Variants in STXBP4 observed in about 807,000 individuals in gnomAD.
STXBP4 encodes the protein syntaxin-binding protein 4.
STXBP4 carries 55 observed loss-of-function variants against 76.1 expected under a neutral mutation model. The ratio of observed to expected loss-of-function variants is 0.72; its 90% CI spans 0.58 to 0.91. The LOEUF (loss-of-function observed/expected upper bound fraction) is 0.91, where lower values mean the gene tolerates loss of function less well. Among genes scored for constraint, STXBP4 ranks in the 40% least tolerant of loss-of-function variants. STXBP4 has a pLI of 0.00. For missense variants in STXBP4, 618 were observed against 636.9 expected, an observed-to-expected ratio of 0.97 and a Z score of 0.32; for synonymous variants, 201 against 220.2, an observed-to-expected ratio of 0.91 and a Z score of 0.77.
At chr17:54,992,705 C>CTTTTTTTTT (rs760386476) in intron 4 of STXBP4, among the ~76,000 whole-genome samples, 3 of 96,836 alleles carry the variant, frequency 3.1e-5, no homozygotes, top group Admixed American at 1.4e-4. Flanking sequence ...AATTTGCTTC[C>CTTTTTTTTT]TTTTTTTTTT....
At chr17:55,033,540 A>G (rs1010949914) in intron 9 of STXBP4, among the ~76,000 whole-genome samples, 2 of 152,228 alleles carry the variant, frequency 1.3e-5, no homozygotes, top group Non-Finnish European at 2.9e-5. Flanking sequence ...AATTAAAAAT[A>G]CAGTAGCCAA....
At position 54,973,116 on chromosome 17, in the gene STXBP4, G is replaced by A. The variant is rs1014545478; in HGVS notation, c.-157+4301G>A. On this transcript the variant is annotated intron_variant, in intron 1 of 17. Transcript: ENST00000376352. ...TAGGAAGTTTGGTTCTAGACACATA[G>A]GCCCTTTCACCTACCCTTTTCCCAA... Among the ~76,000 whole-genome samples the A allele has an allele frequency of 3.3e-5, 5 of 152,334 alleles. No homozygotes were observed. The South Asian group carries it at 1.0e-3, about 32-fold the overall frequency.
At chr17:55,085,624 A>G (rs1252990613) in intron 16 of STXBP4, among the ~76,000 whole-genome samples, 1 of 151,976 alleles carries the variant, frequency 6.6e-6, no homozygotes, top group Admixed American at 6.6e-5. Flanking sequence ...TGAGAAAGAG[A>G]GAAAGAAAGA....
At chr17:55,026,080 A>G (rs189854162) in intron 8 of STXBP4, among the ~76,000 whole-genome samples, 81 of 152,364 alleles carry the variant, frequency 5.3e-4, no homozygotes, top group Admixed American at 2.0e-3. Flanking sequence ...ATATATACTT[A>G]AAACTACAAA....
At chr17:54,997,833 C>G (rs924277605) in intron 4 of STXBP4, among the ~76,000 whole-genome samples, 5 of 146,210 alleles carry the variant, frequency 3.4e-5, no homozygotes, top group Admixed American at 7.1e-5. Context: ...AGCAATCTTT[C>G]TGCCTCAGCC....
intron 3 of STXBP4, among the ~76,000 whole-genome samples, chr17:54,990,465 C>T (rs1428216899): frequency 6.6e-6 from 1 of 152,166 alleles, no homozygotes; most frequent in East Asian, 1.9e-4. Flanking sequence ...GGTGATCTGT[C>T]ACTGTCTCCC....
At chr17:55,093,977 A>G (rs1349761399) in intron 16 of STXBP4, among the ~76,000 whole-genome samples, 1 of 152,120 alleles carries the variant, frequency 6.6e-6, no homozygotes, top group Non-Finnish European at 1.5e-5. Context: ...ACATAATAAA[A>G]CCAGATTATG....
chr17:54,993,980 G>A (rs1567708221), intron 4 of STXBP4, among the ~76,000 whole-genome samples: 1 of 152,054 alleles, frequency 6.6e-6, no homozygotes, highest in African/African-American at 2.4e-5. Context: ...TTTCCTCCTG[G>A]AAAATATGAG....
intron 8 of STXBP4, among the ~76,000 whole-genome samples, chr17:55,025,376 A>C (rs2078393062): frequency 6.6e-6 from 1 of 152,168 alleles, no homozygotes; most frequent in Non-Finnish European, 1.5e-5. Context: ...AGTAATCAAA[A>C]AAACTTTGTA....
chr17:55,132,960 A>G (rs1052928477), intron 16 of STXBP4, among the ~76,000 whole-genome samples: 15 of 152,320 alleles, frequency 9.8e-5, no homozygotes, highest in Middle Eastern at 3.4e-3. Flanking sequence ...TATGAGACCA[A>G]TGCAGCTGCA....
chr17:54,969,782 G>C (rs372945257), intron 1 of STXBP4, among the ~76,000 whole-genome samples: 6 of 152,172 alleles, frequency 3.9e-5, no homozygotes, highest in African/African-American at 1.4e-4. Context: ...CTGTGGGCCT[G>C]ACACCAATCG....
the STXBP4 span, among the ~76,000 whole-genome samples, chr17:55,200,323 A>G: frequency 6.6e-6 from 1 of 152,182 alleles, no homozygotes; most frequent in African/African-American, 2.4e-5. Context: ...AACAGACATC[A>G]TTCTCTTCTC....
chr17:55,070,849 C>A (rs1000593347), intron 12 of STXBP4, among the ~76,000 whole-genome samples: 1 of 152,082 alleles, frequency 6.6e-6, no homozygotes, highest in East Asian at 1.9e-4. Context: ...TTGTAACATC[C>A]TCTTTTCTTC....
chr17:55,012,544 T>C (rs2078133686), intron 8 of STXBP4, among the ~76,000 whole-genome samples: 1 of 152,304 alleles, frequency 6.6e-6, no homozygotes, highest in South Asian at 2.1e-4. Flanking sequence ...TGATGTGTGA[T>C]AGGTGTTCCC....
intron 16 of STXBP4, among the ~76,000 whole-genome samples, chr17:55,087,554 T>C (rs2079353263): frequency 6.6e-6 from 1 of 152,220 alleles, no homozygotes; most frequent in South Asian, 2.1e-4. Context: ...CAGTTGGCTG[T>C]AAATATGTGG....
intron 8 of STXBP4, among the ~76,000 whole-genome samples, chr17:55,017,844 G>A (rs917092962): frequency 2.6e-5 from 4 of 152,190 alleles, no homozygotes; most frequent in African/African-American, 9.6e-5. Flanking sequence ...TCACACCTGA[G>A]TCTTAAGTCT....
At chr17:55,204,835 C>T in the STXBP4 span, among the ~76,000 whole-genome samples, 1 of 82,970 alleles carries the variant, frequency 1.2e-5, no homozygotes, top group African/African-American at 3.9e-5. Flanking sequence ...CACACACACA[C>T]ACACACACAA....
chr17:55,075,229 C>G (rs1440384761), intron 13 of STXBP4, among the ~76,000 whole-genome samples: 1 of 151,880 alleles, frequency 6.6e-6, no homozygotes, highest in African/African-American at 2.4e-5. Context: ...GTATATATTC[C>G]TTAACAATAT....
Position 55,168,175 on chromosome 17 carries a change from T to TAC in STXBP4, c.*8272_*8273dup, listed in dbSNP as rs2080386423. The TAC allele has an allele frequency of 6.6e-6, 1 of 151,622 alleles. No homozygotes were observed. The highest frequency in any genetic ancestry group is 2.1e-4 in the South Asian group (1 of 4,806). 9.4% of individuals were successfully genotyped at this position (151,622 alleles called of 1,614,324 possible). A position where few individuals can be genotyped will look rare whatever the true frequency, so the allele number is the denominator to read the frequency against. On this transcript the variant is annotated 3_prime_UTR_variant, in exon 18 of 18. Transcript: ENST00000376352. ...ATTTGAAGGAAATAGAATGCATACA[T>TAC]ACACACACATACACTTAGTATATGT...
Sources: allele counts gnomAD v4.1 joint callset (sites outside exome capture counted in the v4.1 genomes callset), GRCh38; gene constraint gnomAD v4.1.1; transcripts MANE v1.5; gene names NCBI Gene and HGNC (gene_info 2026-07-23, HGNC 2026-07-21).